Variants in FBXL20 observed in about 807,000 individuals in gnomAD.
The protein encoded by FBXL20 is F-box/LRR-repeat protein 20.
FBXL20 carries 11 observed loss-of-function variants against 64.0 expected under a neutral mutation model. The ratio of observed to expected loss-of-function variants is 0.17; its 90% CI spans 0.11 to 0.28. FBXL20 has a LOEUF of 0.28. Ranked by LOEUF, FBXL20 falls within the 10% of genes least tolerant of loss-of-function variation. The pLI is 1.00. For synonymous variants in FBXL20, 184 were observed against 189.0 expected, an observed-to-expected ratio of 0.97 and a Z score of 0.22; for missense variants, 303 against 526.2, an observed-to-expected ratio of 0.58 and a Z score of 4.15.
chr17:39,395,455 A>G (rs1461300392), intron 1 of FBXL20, among the ~76,000 whole-genome samples: 1 of 152,214 alleles, frequency 6.6e-6, no homozygotes, highest in Non-Finnish European at 1.5e-5. Context: ...AAAAGGACCC[A>G]TGATTATGCA....
At chr17:39,303,265 T>A (rs534006897) in intron 3 of FBXL20, among the ~76,000 whole-genome samples, 47 of 151,916 alleles carry the variant, frequency 3.1e-4, no homozygotes, top group South Asian at 1.9e-3. Context: ...AAAAATGAAC[T>A]AGGAAAACAT....
intron 2 of FBXL20, among the ~76,000 whole-genome samples, chr17:39,320,517 C>T (rs886412044): frequency 2.0e-5 from 3 of 151,594 alleles, no homozygotes; most frequent in Admixed American, 6.6e-5. Flanking sequence ...TTGAATATAA[C>T]TTGTATTATA....
intron 11 of FBXL20, among the ~76,000 whole-genome samples, chr17:39,269,137 A>G (rs1041955224): frequency 1.3e-5 from 2 of 151,758 alleles, no homozygotes; most frequent in Admixed American, 6.6e-5. Context: ...CAGCCTCCCA[A>G]TTAGCTGGGA....
intron 1 of FBXL20, among the ~76,000 whole-genome samples, chr17:39,372,608 G>A (rs1267499727): frequency 1.4e-5 from 2 of 146,794 alleles, no homozygotes; most frequent in African/African-American, 5.0e-5. Context: ...CTAAATGTCT[G>A]TTTGATAATT....
intron 1 of FBXL20, among the ~76,000 whole-genome samples, chr17:39,385,472 A>C (rs1314429949): frequency 6.6e-6 from 1 of 152,176 alleles, no homozygotes; most frequent in African/African-American, 2.4e-5. Flanking sequence ...CAACAGTTTA[A>C]CCTCCATTTC....
chr17:39,364,195 A>G (rs1383570679), intron 1 of FBXL20, among the ~76,000 whole-genome samples: 2 of 152,120 alleles, frequency 1.3e-5, no homozygotes, highest in Non-Finnish European at 2.9e-5. Flanking sequence ...CTGGGTCCCA[A>G]TGAATCATAT....
At chr17:39,310,153 TAAA>T (rs34838706) in intron 2 of FBXL20, among the ~76,000 whole-genome samples, 2 of 134,712 alleles carry the variant, frequency 1.5e-5, no homozygotes, top group Non-Finnish European at 3.2e-5. Flanking sequence ...TCTACAAATT[TAAA>T]AAAAAAAAAA....
Position 39,337,947 on chromosome 17 carries a change from C to T in FBXL20, c.104+5233G>A, listed in dbSNP as rs1290878219. ...CAGCCCCCCGCCCGGCCAGCTGCCC[C>T]GTCCGGGAGGTGAGGGGCGCCTCTG... On this transcript the variant is annotated intron_variant, in intron 2 of 14. Transcript: ENST00000264658. Among the ~76,000 whole-genome samples the T allele has an allele frequency of 5.3e-5, 8 of 151,416 alleles. No homozygotes were observed. In the East Asian group the frequency reaches 1.0e-3, roughly 19 times the overall value.
At chr17:39,349,096 A>C (rs2144585565) in intron 1 of FBXL20, among the ~76,000 whole-genome samples, 1 of 152,062 alleles carries the variant, frequency 6.6e-6, no homozygotes, top group East Asian at 1.9e-4. Flanking sequence ...TACTAAAAAT[A>C]CACAAATTAG....
At chr17:39,353,702 A>C (rs1353271989) in intron 1 of FBXL20, among the ~76,000 whole-genome samples, 4 of 152,030 alleles carry the variant, frequency 2.6e-5, no homozygotes, top group Non-Finnish European at 4.4e-5. Flanking sequence ...GGCTCACTGC[A>C]ACCTCCACCT....
At position 39,343,328 on chromosome 17, in the gene FBXL20, G is replaced by A. The variant is rs551444871; in HGVS notation, c.43-87C>T. The A allele has an allele frequency of 5.0e-5, 45 of 902,636 alleles. No individual in the cohort carries two copies. In the African/African-American group the frequency reaches 6.4e-4, roughly 13 times the overall value. The allele number at this position is 902,636 out of a possible 1,614,324, so 55.9% of individuals were successfully genotyped here. On this transcript the variant is annotated intron_variant, in intron 1 of 14. Coordinates refer to ENST00000264658, the MANE Select transcript of FBXL20 (RefSeq NM_032875.3). The stretch of plus-strand genomic sequence containing the variant: ...CAATAGTTTAGAGGCAATTCTCTCA[G>A]GAAAGAGGTAAAAAAATATAGTCGG...
At chr17:39,275,432 G>C (rs1346766111) in intron 9 of FBXL20, among the ~76,000 whole-genome samples, 6 of 151,352 alleles carry the variant, frequency 4.0e-5, no homozygotes, top group Admixed American at 3.9e-4. Context: ...TTTATTTGGA[G>C]ATAGAGTCTC....
intron 1 of FBXL20, among the ~76,000 whole-genome samples, chr17:39,357,543 C>G (rs7208274): frequency 1.3e-5 from 2 of 151,838 alleles, no homozygotes; most frequent in Non-Finnish European, 2.9e-5. Context: ...TATCATCTTA[C>G]GCGAAACCCC....
intron 7 of FBXL20, among the ~76,000 whole-genome samples, chr17:39,283,920 A>ATCCTGGT (rs3079637): frequency 6.6e-6 from 1 of 151,578 alleles, no homozygotes; most frequent in African/African-American, 2.4e-5. Flanking sequence ...AAGCCATGAT[A>ATCCTGGT]TCAAGTTCAT....
In FBXL20 at chr17:39,398,047, G is replaced by T. The variant is rs1025399882; in HGVS notation, c.42+3314C>A. ...CTTTGGGAGGCCGGCGGGCGGGGGG[G>T]GGGGGGGGGTTGGATCACGAGGTCA... On this transcript the variant is annotated intron_variant, in intron 1 of 14. Coordinates refer to ENST00000264658, the MANE Select transcript of FBXL20 (RefSeq NM_032875.3). Among the ~76,000 whole-genome samples the T allele has an allele frequency of 6.4e-3, 287 of 44,842 alleles. 37 individuals are homozygous for T. Among genetic ancestry groups the T allele is most frequent in the African/African-American group, 0.026 (280 of 10,688 alleles). The allele number at this position is 44,842 out of a possible 152,430, so 29.4% of individuals were successfully genotyped here. A position where few individuals can be genotyped will look rare whatever the true frequency, so the allele number is the denominator to read the frequency against.
chr17:39,308,990 CCTGA>C (rs776169015), intron 2 of FBXL20, among the ~76,000 whole-genome samples: 5 of 152,302 alleles, frequency 3.3e-5, no homozygotes, highest in East Asian at 1.9e-4. Flanking sequence ...TGCCACCACG[CCTGA>C]CTAATTTTTG....
At chr17:39,394,840 C>T (rs987574939) in intron 1 of FBXL20, among the ~76,000 whole-genome samples, 5 of 151,908 alleles carry the variant, frequency 3.3e-5, no homozygotes, top group Non-Finnish European at 7.4e-5. Context: ...ATTACAAGCC[C>T]GAGCCACTGT....
intron 1 of FBXL20, among the ~76,000 whole-genome samples, chr17:39,373,769 T>C (rs2047940054): frequency 6.6e-6 from 1 of 152,322 alleles, no homozygotes; most frequent in African/African-American, 2.4e-5. Context: ...CATAGTGCCT[T>C]ACACATGACA....
At chr17:39,389,744 G>A (rs1298152648) in intron 1 of FBXL20, among the ~76,000 whole-genome samples, 2 of 152,188 alleles carry the variant, frequency 1.3e-5, no homozygotes, top group Non-Finnish European at 2.9e-5. Context: ...CGTGAACCCA[G>A]GAGGCGGAAC....
Sources: allele counts gnomAD v4.1 joint callset (sites outside exome capture counted in the v4.1 genomes callset), GRCh38; gene constraint gnomAD v4.1.1; transcripts MANE v1.5; gene names NCBI Gene and HGNC (gene_info 2026-07-23, HGNC 2026-07-21).